Variants in INPP5F observed in about 807,000 individuals in gnomAD.
INPP5F encodes phosphatidylinositide 4-phosphatase SAC2.
A neutral mutation model predicts 137.2 loss-of-function variants in INPP5F; 97 were observed. That is an observed-to-expected ratio of 0.71 (90% confidence interval 0.60 to 0.84). The LOEUF (loss-of-function observed/expected upper bound fraction) is 0.84. Ranked by LOEUF, INPP5F falls within the 40% of genes least tolerant of loss-of-function variation. INPP5F has a pLI of 0.00. For synonymous variants in INPP5F, 504 were observed against 476.9 expected (o/e 1.06, Z -0.74); for missense variants, 1,271 against 1,371.9 (o/e 0.93, Z 1.16).
intron 3 of INPP5F, among the ~76,000 whole-genome samples, chr10:119,782,563 C>T (rs12773560): frequency 0.042 from 6,349 of 152,182 alleles, 240 homozygotes; most frequent in South Asian, 0.22. Flanking sequence ...AGGTGGGTGG[C>T]TCCTGTCTTT....
chr10:119,798,889 C>T (rs1378467987), intron 9 of INPP5F, among the ~76,000 whole-genome samples: 1 of 151,416 alleles, frequency 6.6e-6, no homozygotes, highest in Admixed American at 6.6e-5. Context: ...CCTCAGCCTC[C>T]CGAGTAGCTG....
intron 1 of INPP5F, among the ~76,000 whole-genome samples, chr10:119,732,034 T>C (rs1489509473): frequency 8.9e-6 from 1 of 112,540 alleles, no homozygotes; most frequent in African/African-American, 3.3e-5. Context: ...AGAAGACAAG[T>C]GGTTTTTTTT....
intron 6 of INPP5F, among the ~76,000 whole-genome samples, chr10:119,796,382 A>G (rs1193611610): frequency 2.6e-5 from 4 of 152,168 alleles, no homozygotes; most frequent in Non-Finnish European, 4.4e-5. Context: ...TGTATTATCC[A>G]TTTAATTTTC....
At chr10:119,761,620 C>T (rs1033332866) in intron 2 of INPP5F, among the ~76,000 whole-genome samples, 2 of 145,820 alleles carry the variant, frequency 1.4e-5, no homozygotes, top group African/African-American at 5.1e-5. Context: ...AAATGTAAAA[C>T]AGAAAAATTC....
At chr10:119,786,376 T>A (rs559640615) in intron 3 of INPP5F, among the ~76,000 whole-genome samples, 108 of 152,320 alleles carry the variant, frequency 7.1e-4, no homozygotes, top group African/African-American at 2.4e-3. Context: ...GGGCTCTGTG[T>A]AAACAAAATA....
chr10:119,808,383 C>T (rs1396474473), intron 13 of INPP5F, among the ~76,000 whole-genome samples: 1 of 152,202 alleles, frequency 6.6e-6, no homozygotes, highest in Non-Finnish European at 1.5e-5. Flanking sequence ...ACTGACAAAA[C>T]AGAGCATGTC....
intron 2 of INPP5F, among the ~76,000 whole-genome samples, chr10:119,765,789 T>C: frequency 6.8e-6 from 1 of 146,198 alleles, no homozygotes; most frequent in East Asian, 2.0e-4. Context: ...GTGTGTATAG[T>C]GTATATATAT....
At chr10:119,823,991 A>G in intron 19 of INPP5F, 89 bp downstream of exon 19, 1 of 916,752 alleles carries the variant, frequency 1.1e-6, no homozygotes. Flanking sequence ...AGGGGAGGAG[A>G]TCACATTATG....
At chr10:119,758,191 G>GGT (rs770092847) in intron 2 of INPP5F, among the ~76,000 whole-genome samples, 5 of 152,208 alleles carry the variant, frequency 3.3e-5, no homozygotes, top group Non-Finnish European at 5.9e-5. Flanking sequence ...GGGGTGCTGT[G>GGT]GTGTGTATGA....
At chr10:119,806,237 TAAAG>T in intron 11 of INPP5F, 119 bp from the exon 12 acceptor site, 1 of 618,986 alleles carries the variant, frequency 1.6e-6, no homozygotes, top group South Asian at 2.7e-5. Context: ...GCATAGCATA[TAAAG>T]ATACACCAAG....
chr10:119,764,623 C>CT (rs1849102972), intron 2 of INPP5F, among the ~76,000 whole-genome samples: 1 of 150,906 alleles, frequency 6.6e-6, no homozygotes, highest in Non-Finnish European at 1.5e-5. Flanking sequence ...CTGTTGTTGC[C>CT]TAGGCCGGAG....
intron 1 of INPP5F, among the ~76,000 whole-genome samples, chr10:119,732,949 A>T (rs936888735): frequency 6.6e-6 from 1 of 152,232 alleles, no homozygotes; most frequent in African/African-American, 2.4e-5. Flanking sequence ...ACTGAGGCAC[A>T]GAGAAGTAAT....
intron 7 of INPP5F, 48 bp from the exon 8 acceptor site, chr10:119,797,413 A>T (rs1338030976): frequency 7.7e-6 from 11 of 1,425,480 alleles, no homozygotes. Context: ...AGCCAGACTA[A>T]ATAAATTTTT....
At chr10:119,726,844 CTTA>C (rs1205806329) in intron 1 of INPP5F, among the ~76,000 whole-genome samples, 1 of 152,246 alleles carries the variant, frequency 6.6e-6, no homozygotes, top group African/African-American at 2.4e-5. Context: ...TTCTTGGTCC[CTTA>C]TTATTAAAGG....
intron 13 of INPP5F, among the ~76,000 whole-genome samples, chr10:119,809,485 A>G (rs568787882): frequency 6.6e-6 from 1 of 152,256 alleles, no homozygotes; most frequent in Admixed American, 6.5e-5. Flanking sequence ...AAAAGAGACT[A>G]CACCTTCCTT....
chr10:119,778,388 C>A (rs1200631226), intron 2 of INPP5F, among the ~76,000 whole-genome samples: 1 of 152,114 alleles, frequency 6.6e-6, no homozygotes, highest in African/African-American at 2.4e-5. Context: ...AACACAATTT[C>A]AATAATTTTT....
chr10:119,817,813 T>G (rs1011193624), intron 15 of INPP5F, among the ~76,000 whole-genome samples: 1 of 152,210 alleles, frequency 6.6e-6, no homozygotes, highest in Non-Finnish European at 1.5e-5. Flanking sequence ...CCATCATATT[T>G]ATCATATTTT....
chr10:119,797,448 A>C lies in INPP5F; in HGVS notation c.869-13A>C. The C allele has an allele frequency of 6.3e-7, 1 of 1,584,852 alleles. No homozygotes were observed. The highest frequency in any genetic ancestry group is 8.6e-7 in the Non-Finnish European group (1 of 1,163,240). On this transcript the variant is annotated splice_polypyrimidine_tract_variant and intron_variant, in intron 7 of 19. Transcript: ENST00000650623. ...TTAAAATGTTGCTGTTTTCTGTTTT[A>C]ATTTTCTTTCAGGAATGCGCTATAA...
chr10:119,827,384 A>G lies in INPP5F; in HGVS notation c.3003A>G (p.Ser1001=), dbSNP rs1851809282. 1 of 1,614,120 alleles carries G rather than the reference A, an allele frequency of 6.2e-7. No homozygotes were observed. The highest frequency in any genetic ancestry group is 1.1e-5 in the South Asian group (1 of 91,088). ...MTNQVSNETQ[S]ESTEQTPSRP... ...ATCAAGTTTCAAATGAAACCCAATC[A>G]GAATCAACAGAACAGACACCTTCTC... The change falls in exon 20 of 20, where the codon TCA becomes TCG. Residue 1001 remains serine (S), a synonymous_variant. Coordinates refer to ENST00000650623, the MANE Select transcript of INPP5F (RefSeq NM_014937.4).
Sources: allele counts gnomAD v4.1 joint callset (sites outside exome capture counted in the v4.1 genomes callset), GRCh38; gene constraint gnomAD v4.1.1; transcripts MANE v1.5; gene names NCBI Gene and HGNC (gene_info 2026-07-23, HGNC 2026-07-21).